Variants in CCSER1 observed in about 807,000 individuals in gnomAD.
CCSER1 encodes coiled-coil serine rich protein 1, also known as serine-rich coiled-coil domain-containing protein 1.
Under a neutral mutation model 82.0 loss-of-function variants are expected in CCSER1, and 41 were observed. That is an observed-to-expected ratio of 0.50 (90% confidence interval 0.39 to 0.65). The LOEUF (loss-of-function observed/expected upper bound fraction) is 0.65. Among genes scored for constraint, CCSER1 ranks in the 30% least tolerant of loss-of-function variants. The pLI, the probability that CCSER1 is intolerant of heterozygous loss-of-function variation, is 0.00. For missense variants in CCSER1, 1,119 were observed against 1,064.2 expected (o/e 1.05, Z -0.72); for synonymous variants, 414 against 383.9 (o/e 1.08, Z -0.92).
chr4:90,780,308 G>A (rs564698831), intron 7 of CCSER1: 2 of 912,310 alleles, frequency 2.2e-6, no homozygotes, highest in Non-Finnish European at 3.3e-6. Flanking sequence ...CTAAACATTG[G>A]TGTCCTTTTA....
intron 10 of CCSER1, among the ~76,000 whole-genome samples, chr4:91,116,444 C>G (rs9994898): frequency 0.049 from 7,530 of 152,192 alleles, 278 homozygotes; most frequent in East Asian, 0.13. Context: ...CGAACAAATC[C>G]CTGCTAGGTA....
intron 9 of CCSER1, among the ~76,000 whole-genome samples, chr4:91,024,769 G>T (rs1260195836): frequency 6.6e-6 from 1 of 151,950 alleles, no homozygotes; most frequent in African/African-American, 2.4e-5. Flanking sequence ...ATGCAAACTT[G>T]TAGACATTTT....
chr4:91,008,680 G>A (rs181654378), intron 9 of CCSER1, among the ~76,000 whole-genome samples: 40 of 152,228 alleles, frequency 2.6e-4, no homozygotes, highest in Non-Finnish European at 5.9e-5. Flanking sequence ...TTTGATTGGA[G>A]AATTTAATCC....
At chr4:90,496,927 G>A (rs899482244) in intron 5 of CCSER1, among the ~76,000 whole-genome samples, 11 of 135,082 alleles carry the variant, frequency 8.1e-5, no homozygotes, top group Non-Finnish European at 1.2e-4. Context: ...GCAGTGAACC[G>A]AGATTGTGCC....
rs546480593 is a variant in CCSER1 at position 91,514,453 on chromosome 4, T to C, written c.2218-84119T>C. Among the ~76,000 whole-genome samples the C allele has an allele frequency of 2.6e-5, 4 of 152,310 alleles. No individual in the cohort carries two copies. The East Asian group carries it at 5.8e-4, about 22-fold the overall frequency. On this transcript the variant is annotated intron_variant, in intron 10 of 10. Transcript: ENST00000509176. Reference sequence around the variant, plus strand: ...TGTGATTGATATGAGAAGTATTCTATAGATGTCTGTTAGGTTGATCAAGTG... The same window carrying C: ...TGTGATTGATATGAGAAGTATTCTACAGATGTCTGTTAGGTTGATCAAGTG...
chr4:91,527,621 GA>G (rs1295849668), intron 10 of CCSER1, among the ~76,000 whole-genome samples: 3 of 152,152 alleles, frequency 2.0e-5, no homozygotes. Flanking sequence ...ATATAACAGT[GA>G]CATAGGTTTC....
intron 1 of CCSER1, among the ~76,000 whole-genome samples, chr4:90,188,403 T>C (rs535654626): frequency 2.0e-5 from 3 of 151,960 alleles, no homozygotes; most frequent in Non-Finnish European, 4.4e-5. Flanking sequence ...TAGTCTTATA[T>C]TAAGAAGTCT....
chr4:91,453,939 T>C (rs1430464560), intron 10 of CCSER1, among the ~76,000 whole-genome samples: 1 of 152,028 alleles, frequency 6.6e-6, no homozygotes, highest in Non-Finnish European at 1.5e-5. Flanking sequence ...TTGTGTCTAG[T>C]ATTGTAATGA....
intron 10 of CCSER1, among the ~76,000 whole-genome samples, chr4:91,562,560 C>G (rs1244907883): frequency 6.6e-6 from 1 of 151,388 alleles, no homozygotes; most frequent in Admixed American, 6.6e-5. Flanking sequence ...AGCACAAGAC[C>G]TACTGATTCA....
At chr4:90,265,101 G>T (rs963450111) in intron 1 of CCSER1, among the ~76,000 whole-genome samples, 10 of 151,884 alleles carry the variant, frequency 6.6e-5, no homozygotes, top group Non-Finnish European at 1.0e-4. Flanking sequence ...GCGAGATACA[G>T]ACCTTTATAG....
chr4:91,386,336 G>T (rs1030324823), intron 10 of CCSER1, among the ~76,000 whole-genome samples: 6 of 152,058 alleles, frequency 3.9e-5, no homozygotes, highest in Admixed American at 6.6e-5. Context: ...ATTAAGGATA[G>T]CAAGGAATAA....
At chr4:90,578,952 G>C (rs923439006) in intron 5 of CCSER1, among the ~76,000 whole-genome samples, 6 of 122,134 alleles carry the variant, frequency 4.9e-5, no homozygotes, top group African/African-American at 2.1e-4. Context: ...AATGATACAA[G>C]AATGCAAATC....
chr4:90,764,516 G>A (rs1033686370), intron 7 of CCSER1, among the ~76,000 whole-genome samples: 1 of 152,016 alleles, frequency 6.6e-6, no homozygotes, highest in Non-Finnish European at 1.5e-5. Flanking sequence ...CAATAATGGT[G>A]GTTTTTGGAG....
At chr4:90,832,232 T>C (rs9790423) in intron 8 of CCSER1, among the ~76,000 whole-genome samples, 79,861 of 151,864 alleles carry the variant, frequency 0.53, 21,236 homozygotes, top group African/African-American at 0.58. Context: ...CAAGTTTTCT[T>C]TCCATAGTAG....
rs568367996 is a variant in CCSER1, at chr4:91,374,643, A to G, written c.2218-223929A>G. Among the ~76,000 whole-genome samples, 14 of 152,360 alleles carry G rather than the reference A, an allele frequency of 9.2e-5. 1 individual carries two copies. The South Asian group carries it at 2.9e-3, about 32-fold the overall frequency. ...ATGTTTTTATGCCTGCTAACACAAC[A>G]TTCATTCTGCAACTCATGGATCAAG... On this transcript the variant is annotated intron_variant, in intron 10 of 10. Coordinates refer to ENST00000509176, the MANE Select transcript of CCSER1 (RefSeq NM_001145065.2).
chr4:91,132,747 A>G (rs1272594057), intron 10 of CCSER1, among the ~76,000 whole-genome samples: 1 of 152,234 alleles, frequency 6.6e-6, no homozygotes, highest in East Asian at 1.9e-4. Flanking sequence ...AAAGTTTTAT[A>G]AAAGTAGTAA....
intron 10 of CCSER1, among the ~76,000 whole-genome samples, chr4:91,558,902 T>C (rs1046099390): frequency 1.3e-5 from 2 of 151,542 alleles, no homozygotes; most frequent in Admixed American, 6.6e-5. Context: ...TGGATGTAAG[T>C]ATTTCAAATA....
At chr4:90,841,577 CAAA>C (rs750390139) in intron 8 of CCSER1, among the ~76,000 whole-genome samples, 2 of 50,912 alleles carry the variant, frequency 3.9e-5, no homozygotes, top group Non-Finnish European at 4.2e-5. Context: ...GACTCTGTCT[CAAA>C]AAAAAAAAAA....
At chr4:91,369,860 T>G (rs945590484) in intron 10 of CCSER1, among the ~76,000 whole-genome samples, 1 of 151,172 alleles carries the variant, frequency 6.6e-6, no homozygotes, top group South Asian at 2.1e-4. Flanking sequence ...GTATTTTTTT[T>G]TAGGAGAGAC....
Sources: gnomAD v4.1 joint callset for allele counts (sites outside exome capture counted in the v4.1 genomes callset) on GRCh38, gnomAD v4.1.1 for gene constraint, MANE v1.5 for transcripts, NCBI Gene and HGNC (gene_info 2026-07-23, HGNC 2026-07-21) for gene names.